Variants in CDYL observed in about 807,000 individuals in gnomAD.
CDYL encodes the protein chromodomain Y like.
A neutral mutation model predicts 47.3 loss-of-function variants in CDYL; 8 were observed. The ratio of observed to expected loss-of-function variants is 0.17; its 90% confidence interval spans 0.10 to 0.31. The LOEUF (loss-of-function observed/expected upper bound fraction) is 0.31, where lower values mean the gene tolerates loss of function less well. CDYL is among the 10% of genes least tolerant of loss of function. The pLI, the probability that CDYL is intolerant of heterozygous loss-of-function variation, is 1.00. For synonymous variants in CDYL, 266 were observed against 265.0 expected, an observed-to-expected ratio of 1.00 and a Z score of -0.04; for missense variants, 471 against 701.4, an observed-to-expected ratio of 0.67 and a Z score of 3.71.
chr6:4,920,358 C>T (rs1214012439), intron 2 of CDYL, among the ~76,000 whole-genome samples: 1 of 152,154 alleles, frequency 6.6e-6, no homozygotes, highest in Non-Finnish European at 1.5e-5. Flanking sequence ...GCTCTAGATT[C>T]CATTTGCTAA....
intron 1 of CDYL, among the ~76,000 whole-genome samples, chr6:4,709,170 G>T (rs2127405677): frequency 6.6e-6 from 1 of 151,976 alleles, no homozygotes; most frequent in South Asian, 2.1e-4. Flanking sequence ...TTGTCACTAT[G>T]CACTAATTCT....
At chr6:4,900,813 A>AGATATATC (rs1561697655) in intron 2 of CDYL, among the ~76,000 whole-genome samples, 17 of 92,342 alleles carry the variant, frequency 1.8e-4, no homozygotes, top group African/African-American at 5.5e-4. Flanking sequence ...ATATATATAT[A>AGATATATC]TATATATATA....
intron 1 of CDYL, among the ~76,000 whole-genome samples, chr6:4,795,502 G>C (rs1759045907): frequency 6.6e-6 from 1 of 151,996 alleles, no homozygotes; most frequent in Admixed American, 6.6e-5. Flanking sequence ...GAGCCTCTCT[G>C]CTGCCTTTTA....
At chr6:4,707,430 A>C (rs1390193436) in intron 1 of CDYL, among the ~76,000 whole-genome samples, 1 of 152,122 alleles carries the variant, frequency 6.6e-6, no homozygotes, top group Non-Finnish European at 1.5e-5. Context: ...GGCATGTGAC[A>C]CCACACTAAT....
intron 3 of CDYL, among the ~76,000 whole-genome samples, chr6:4,749,289 A>T (rs568458793): frequency 7.4e-6 from 1 of 134,604 alleles, no homozygotes; most frequent in Non-Finnish European, 1.6e-5. Flanking sequence ...TGTTGGATGG[A>T]TGGATGGATG....
chr6:4,778,731 A>G (rs1758535539), intron 1 of CDYL, among the ~76,000 whole-genome samples: 1 of 152,264 alleles, frequency 6.6e-6, no homozygotes, highest in Non-Finnish European at 1.5e-5. Flanking sequence ...AAGTATGTGT[A>G]GTAAATATGT....
intron 1 of CDYL, among the ~76,000 whole-genome samples, chr6:4,837,828 CA>C (rs1199513927): frequency 6.6e-6 from 1 of 152,118 alleles, no homozygotes; most frequent in Non-Finnish European, 1.5e-5. Context: ...GGCTGGAGTG[CA>C]GTGGCATGCA....
At chr6:4,949,398 A>C (rs1758628848) in intron 5 of CDYL, among the ~76,000 whole-genome samples, 1 of 152,222 alleles carries the variant, frequency 6.6e-6, no homozygotes, top group Non-Finnish European at 1.5e-5. Flanking sequence ...AGTCCCCATA[A>C]GGCTGAAGAT....
chr6:4,935,826 C>G (rs1758175246), intron 3 of CDYL, 55 bp downstream of exon 3: 3 of 1,603,604 alleles, frequency 1.9e-6, no homozygotes, highest in African/African-American at 1.3e-5. Flanking sequence ...GCCTGATTTC[C>G]AGGCCTGCCT....
intron 1 of CDYL, among the ~76,000 whole-genome samples, chr6:4,816,954 C>T (rs74577431): frequency 0.027 from 4,131 of 152,214 alleles, 194 homozygotes; most frequent in African/African-American, 0.094. Context: ...AGGGACACCC[C>T]CAATTCTCAT....
chr6:4,794,626 T>C (rs1217406776), intron 1 of CDYL, among the ~76,000 whole-genome samples: 1 of 152,136 alleles, frequency 6.6e-6, no homozygotes, highest in Non-Finnish European at 1.5e-5. Context: ...GTGGCTGGAA[T>C]GATTTCCTGA....
rs1757664451 is a variant in CDYL at position 4,734,410 on chromosome 6, C to A, written c.104-352C>A. Among the ~76,000 whole-genome samples, 2 of 152,230 alleles carry A rather than the reference C, an allele frequency of 1.3e-5. 1 individual carries two copies. Among genetic ancestry groups the A allele is most frequent in the South Asian group, 4.1e-4 (2 of 4,836 alleles). ...ATGATGCAGGGGGCTCCCCACCAGACAGCCAGCCACCTTGGGCGGGTCACC... is the reference window on the plus strand; with the variant it reads ...ATGATGCAGGGGGCTCCCCACCAGAAAGCCAGCCACCTTGGGCGGGTCACC... On this transcript the variant is annotated intron_variant, in intron 2 of 8. Transcript: ENST00000328908.
intron 4 of CDYL, 43 bp downstream of exon 4, chr6:4,937,780 GT>G: frequency 6.5e-7 from 1 of 1,537,678 alleles, no homozygotes; most frequent in Non-Finnish European, 8.8e-7. Flanking sequence ...TGGGTGTTTT[GT>G]TTTTGGTAAA....
At chr6:4,863,719 G>A (rs808602) in intron 1 of CDYL, among the ~76,000 whole-genome samples, 6,610 of 152,200 alleles carry the variant, frequency 0.043, 471 homozygotes, top group African/African-American at 0.15. Context: ...AGCATGTAAG[G>A]CATATTTCTT....
chr6:4,724,661 T>C (rs1757459947), intron 2 of CDYL: 1 of 152,400 alleles, frequency 6.6e-6, no homozygotes, highest in Admixed American at 6.6e-5. Flanking sequence ...CTGCAGACCT[T>C]CGCAGTGAGT....
chr6:4,809,696 T>G (rs1759471133), intron 1 of CDYL, among the ~76,000 whole-genome samples: 2 of 148,920 alleles, frequency 1.3e-5, no homozygotes, highest in African/African-American at 5.0e-5. Flanking sequence ...GTAGGGGTAT[T>G]ATATTAGTCC....
chr6:4,783,466 G>A (rs150018367), intron 1 of CDYL, among the ~76,000 whole-genome samples: 1 of 150,968 alleles, frequency 6.6e-6, no homozygotes, highest in Non-Finnish European at 1.5e-5. Flanking sequence ...GCCCAGGCTG[G>A]AGTGCAGTGG....
At chr6:4,835,794 C>G (rs530153404) in intron 1 of CDYL, among the ~76,000 whole-genome samples, 2 of 152,356 alleles carry the variant, frequency 1.3e-5, no homozygotes, top group South Asian at 2.1e-4. Context: ...CGGCGTCCCT[C>G]TCCCAGCCTC....
chr6:4,859,307 CT>C (rs141977148), intron 1 of CDYL, among the ~76,000 whole-genome samples: 57 of 149,780 alleles, frequency 3.8e-4, no homozygotes, highest in Non-Finnish European at 5.9e-4. Flanking sequence ...TACTTGTAGT[CT>C]TTTTTTTTTC....
Sources: allele counts gnomAD v4.1 joint callset (sites outside exome capture counted in the v4.1 genomes callset), GRCh38; gene constraint gnomAD v4.1.1; transcripts MANE v1.5; gene names NCBI Gene and HGNC (gene_info 2026-07-23, HGNC 2026-07-21).